The following ABCC1 variants were observed in gnomAD, a reference collection of about 807,000 sequenced individuals.
The protein encoded by ABCC1 is ATP binding cassette subfamily C member 1 (ABCC1 blood group).
A neutral mutation model predicts 172.9 loss-of-function variants in ABCC1; 83 were observed. The observed-to-expected ratio is 0.48, with a 90% CI of 0.40 to 0.58. ABCC1 has a LOEUF of 0.58. Ranked by LOEUF, ABCC1 falls within the 20% of genes least tolerant of loss-of-function variation. The pLI, the probability that ABCC1 is intolerant of heterozygous loss-of-function variation, is 0.00. For missense variants in ABCC1, 1,817 were observed against 2,002.7 expected (o/e 0.91, Z 1.77); for synonymous variants, 937 against 825.2 (o/e 1.14, Z -2.32).
At chr16:16,116,801 C>T (rs1432276837) in intron 23 of ABCC1, among the ~76,000 whole-genome samples, 1 of 152,052 alleles carries the variant, frequency 6.6e-6, no homozygotes, top group Non-Finnish European at 1.5e-5. Context: ...GTCAAGTGAT[C>T]CGCCCGCCTC....
intron 22 of ABCC1, among the ~76,000 whole-genome samples, chr16:16,113,922 G>A (rs540627356): frequency 2.4e-4 from 36 of 152,248 alleles, no homozygotes; most frequent in African/African-American, 6.7e-4. Context: ...AATAGGGTTC[G>A]CACTGCTAGG....
At chr16:16,140,719 G>A (rs1025553087) in intron 30 of ABCC1, among the ~76,000 whole-genome samples, 2 of 152,168 alleles carry the variant, frequency 1.3e-5, no homozygotes, top group African/African-American at 4.8e-5. Flanking sequence ...AGCCACATCT[G>A]TTCATTTTCC....
intron 11 of ABCC1, among the ~76,000 whole-genome samples, chr16:16,054,156 G>A (rs1276243113): frequency 2.0e-5 from 3 of 152,064 alleles, no homozygotes; most frequent in Admixed American, 2.0e-4. Flanking sequence ...TGTATTTTTA[G>A]TAGAGATGAG....
rs376508126 is a variant in ABCC1 at position 16,044,701 on chromosome 16, G to T, written c.1040+21G>T. On this transcript the variant is annotated intron_variant, in intron 8 of 30. Coordinates refer to ENST00000399410, the MANE Select transcript of ABCC1 (RefSeq NM_004996.4). ...TTAAAGTAAGACCCCTTCCCTCCCA[G>T]GTGGGCTCCATTTTCCCTCCTTGGC... 1.9e-5 allele frequency: 31 copies of T among 1,603,212 alleles called. No individual in the cohort carries two copies. In the African/African-American group the frequency reaches 2.7e-4, roughly 14 times the overall value.
At chr16:16,104,877 A>G (rs1007194083) in intron 20 of ABCC1, among the ~76,000 whole-genome samples, 1 of 152,132 alleles carries the variant, frequency 6.6e-6, no homozygotes, top group African/African-American at 2.4e-5. Flanking sequence ...CCAGGTGCTA[A>G]GCCCCTCACT....
intron 17 of ABCC1, among the ~76,000 whole-genome samples, chr16:16,083,883 TCACTTGGC>T (rs1463731324): frequency 6.6e-6 from 1 of 152,080 alleles, no homozygotes; most frequent in Non-Finnish European, 1.5e-5. Flanking sequence ...ACAAAGCAAG[TCACTTGGC>T]CAAGCTCAAA....
intron 19 of ABCC1, among the ~76,000 whole-genome samples, chr16:16,093,286 A>C (rs1047297853): frequency 1.3e-5 from 2 of 152,034 alleles, no homozygotes; most frequent in East Asian, 3.9e-4. Context: ...GTTTAGCTGA[A>C]TCTTTTGCCC....
chr16:16,028,901 G>A (rs960510842), intron 5 of ABCC1, among the ~76,000 whole-genome samples: 5 of 152,132 alleles, frequency 3.3e-5, no homozygotes, highest in African/African-American at 1.2e-4. Flanking sequence ...ATCTGAACTC[G>A]GCTTCAGTTG....
chr16:16,040,867 G>GTGGGAACCTCA (rs2048951191), intron 7 of ABCC1, among the ~76,000 whole-genome samples: 1 of 152,248 alleles, frequency 6.6e-6, no homozygotes, highest in African/African-American at 2.4e-5. Context: ...GGAGACCAGG[G>GTGGGAACCTCA]TGGGAACCTC....
At chr16:16,058,577 T>C (rs565982156) in intron 12 of ABCC1, among the ~76,000 whole-genome samples, 132 of 152,334 alleles carry the variant, frequency 8.7e-4, no homozygotes, top group Non-Finnish European at 1.6e-3. Flanking sequence ...TCTCAGGGTC[T>C]GGAACTGCAG....
intron 21 of ABCC1, 116 bp downstream of exon 21, chr16:16,106,989 C>T (rs2152073598): frequency 9.4e-6 from 13 of 1,382,106 alleles, no homozygotes; most frequent in Non-Finnish European, 1.1e-5. Flanking sequence ...TCACAACACA[C>T]CTGTGAAGAT....
chr16:16,084,111 A>G (rs2151997160), intron 17 of ABCC1, among the ~76,000 whole-genome samples: 1 of 152,038 alleles, frequency 6.6e-6, no homozygotes, highest in East Asian at 1.9e-4. Flanking sequence ...TTATTTATTT[A>G]TTTATTTTTG....
intron 23 of ABCC1, among the ~76,000 whole-genome samples, chr16:16,117,899 C>G (rs2044964639): frequency 6.6e-6 from 1 of 151,992 alleles, no homozygotes; most frequent in Non-Finnish European, 1.5e-5. Flanking sequence ...GAGTGATACT[C>G]TGTCTAAAAA....
intron 7 of ABCC1, among the ~76,000 whole-genome samples, chr16:16,042,726 T>G (rs1436478934): frequency 6.6e-6 from 1 of 151,568 alleles, no homozygotes; most frequent in African/African-American, 2.4e-5. Context: ...AAAATCCCTA[T>G]AAGATAAAGA....
intron 1 of ABCC1, among the ~76,000 whole-genome samples, chr16:15,953,995 C>G (rs2045932805): frequency 6.7e-6 from 1 of 149,136 alleles, no homozygotes; most frequent in East Asian, 2.0e-4. Flanking sequence ...CTCTGTTTTC[C>G]CCTCCCCACC....
intron 15 of ABCC1, among the ~76,000 whole-genome samples, chr16:16,077,508 C>T (rs952397497): frequency 6.6e-6 from 1 of 151,910 alleles, no homozygotes; most frequent in Non-Finnish European, 1.5e-5. Flanking sequence ...CCTTTTCTCT[C>T]ATCAGCCTGT....
intron 18 of ABCC1, among the ~76,000 whole-genome samples, chr16:16,089,431 C>T (rs1039472127): frequency 1.3e-5 from 2 of 151,938 alleles, no homozygotes; most frequent in Admixed American, 6.6e-5. Context: ...ATCTGTAGTC[C>T]CAGCTACTTG....
intron 21 of ABCC1, among the ~76,000 whole-genome samples, chr16:16,107,238 G>T (rs1487175830): frequency 6.6e-6 from 1 of 152,128 alleles, no homozygotes; most frequent in African/African-American, 2.4e-5. Flanking sequence ...GATGGTGTCC[G>T]GTTGTGCACA....
At chr16:16,104,513 G>C (rs554598381) in intron 20 of ABCC1, among the ~76,000 whole-genome samples, 5 of 152,316 alleles carry the variant, frequency 3.3e-5, no homozygotes, top group African/African-American at 9.6e-5. Flanking sequence ...CCTTGAGCTA[G>C]ATACAGAGTG....
Sources: gnomAD v4.1 joint callset for allele counts (sites outside exome capture counted in the v4.1 genomes callset) on GRCh38, gnomAD v4.1.1 for gene constraint, MANE v1.5 for transcripts, NCBI Gene and HGNC (gene_info 2026-07-23, HGNC 2026-07-21) for gene names.